The following NXPE2 variants were observed in gnomAD, a reference collection of about 807,000 sequenced individuals.
NXPE2 encodes the protein NXPE family member 2.
Under a neutral mutation model 34.4 loss-of-function variants are expected in NXPE2, and 34 were observed. That is an observed-to-expected ratio of 0.99 (90% CI 0.75 to 1.31). NXPE2 has a LOEUF of 1.31. Among genes scored for constraint, NXPE2 ranks in the 40% most tolerant of loss-of-function variants. The probability of loss-of-function intolerance (pLI) is 0.00; values close to 1 mark genes in which losing one functional copy is unlikely to be tolerated. For synonymous variants in NXPE2, 235 were observed against 231.3 expected, an observed-to-expected ratio of 1.02 and a Z score of -0.15; for missense variants, 649 against 672.5, an observed-to-expected ratio of 0.97 and a Z score of 0.39.
At chr11:114,551,078 T>G in the NXPE2 span, 1 of 1,274,400 alleles carries the variant, frequency 7.8e-7, no homozygotes. Context: ...CTGTGTGATC[T>G]GCATCAAAGG....
At chr11:114,662,203 G>C in the NXPE2 span, among the ~76,000 whole-genome samples, 1 of 150,022 alleles carries the variant, frequency 6.7e-6, no homozygotes, top group Non-Finnish European at 1.5e-5. Context: ...TGGTGACATA[G>C]TGTGGAGAGT....
chr11:114,735,405 C>G, the NXPE2 span, among the ~76,000 whole-genome samples: 1 of 151,938 alleles, frequency 6.6e-6, no homozygotes, highest in Non-Finnish European at 1.5e-5. Flanking sequence ...CTCAAATAAA[C>G]CAGGTTTAGA....
chr11:114,550,885 A>G, the NXPE2 span, among the ~76,000 whole-genome samples: 1 of 152,178 alleles, frequency 6.6e-6, no homozygotes, highest in African/African-American at 2.4e-5. Flanking sequence ...TGCAAGGTCA[A>G]ATCCTAATTG....
chr11:114,744,347 C>A, the NXPE2 span, among the ~76,000 whole-genome samples: 3 of 152,160 alleles, frequency 2.0e-5, no homozygotes, highest in Non-Finnish European at 4.4e-5. Flanking sequence ...CCTCTGACAC[C>A]TTTGAACTTG....
At chr11:114,805,365 T>C in the NXPE2 span, among the ~76,000 whole-genome samples, 1 of 152,070 alleles carries the variant, frequency 6.6e-6, no homozygotes, top group Admixed American at 6.5e-5. Flanking sequence ...CAGCGCACCA[T>C]GCACGAGCCG....
At chr11:114,803,657 A>T in the NXPE2 span, among the ~76,000 whole-genome samples, 1 of 151,010 alleles carries the variant, frequency 6.6e-6, no homozygotes, top group Non-Finnish European at 1.5e-5. Flanking sequence ...GTTCACTGCA[A>T]CCTCCACCTC....
the NXPE2 span, among the ~76,000 whole-genome samples, chr11:114,475,242 T>A: frequency 1.5e-5 from 1 of 65,470 alleles, no homozygotes; most frequent in Non-Finnish European, 2.7e-5. Flanking sequence ...TTTTTTTTTT[T>A]TTTTTTTTTT....
chr11:114,495,783 C>G, the NXPE2 span, among the ~76,000 whole-genome samples: 3 of 152,088 alleles, frequency 2.0e-5, no homozygotes, highest in Non-Finnish European at 4.4e-5. Context: ...CCCTTATTCC[C>G]CAGGGTGTGT....
chr11:114,703,336 A>G (rs1253757776), intron 3 of NXPE2, among the ~76,000 whole-genome samples: 1 of 152,192 alleles, frequency 6.6e-6, no homozygotes, highest in Non-Finnish European at 1.5e-5. Flanking sequence ...GGGCAGAAAG[A>G]TAGTATTATA....
intron 2 of NXPE2, among the ~76,000 whole-genome samples, chr11:114,685,158 T>G (rs1951023011): frequency 6.6e-6 from 1 of 152,138 alleles, no homozygotes; most frequent in African/African-American, 2.4e-5. Flanking sequence ...ATATAAATCT[T>G]CAAAATATAT....
the NXPE2 span, among the ~76,000 whole-genome samples, chr11:114,633,366 A>G: frequency 7.1e-6 from 1 of 140,378 alleles, no homozygotes; most frequent in Admixed American, 7.3e-5. Context: ...TATATACTAT[A>G]TAATATATTA....
At chr11:114,681,897 G>A (rs1477217775) in intron 2 of NXPE2, among the ~76,000 whole-genome samples, 7 of 152,002 alleles carry the variant, frequency 4.6e-5, no homozygotes, top group Admixed American at 3.9e-4. Flanking sequence ...GATTAATAAG[G>A]TCAGAAAAAG....
At chr11:114,800,524 G>A in the NXPE2 span, among the ~76,000 whole-genome samples, 1 of 152,182 alleles carries the variant, frequency 6.6e-6, no homozygotes, top group Non-Finnish European at 1.5e-5. Flanking sequence ...GTTGTTAGCA[G>A]TGAAGTTTCT....
the NXPE2 span, chr11:114,530,172 C>T: frequency 3.8e-6 from 6 of 1,595,002 alleles, no homozygotes; most frequent in African/African-American, 5.4e-5. Context: ...AAAGTATACT[C>T]ACCTGTGGAA....
chr11:114,626,584 G>GA, the NXPE2 span, among the ~76,000 whole-genome samples: 1 of 152,172 alleles, frequency 6.6e-6, no homozygotes, highest in Non-Finnish European at 1.5e-5. Context: ...AAACAGAGCA[G>GA]AAAAACGGGA....
At chr11:114,464,627 A>C in the NXPE2 span, among the ~76,000 whole-genome samples, 1 of 152,190 alleles carries the variant, frequency 6.6e-6, no homozygotes, top group Non-Finnish European at 1.5e-5. Flanking sequence ...GCATAGAAAA[A>C]TATGAGATAC....
chr11:114,598,387 C>G, the NXPE2 span, among the ~76,000 whole-genome samples: 2 of 141,484 alleles, frequency 1.4e-5, no homozygotes, highest in African/African-American at 5.3e-5. Flanking sequence ...TTTCTCACAG[C>G]TCCACTAGGC....
At chr11:114,736,892 C>T in the NXPE2 span, among the ~76,000 whole-genome samples, 4 of 152,174 alleles carry the variant, frequency 2.6e-5, no homozygotes, top group Non-Finnish European at 5.9e-5. Context: ...CATTTGGGGT[C>T]CCTGACTTCC....
the NXPE2 span, among the ~76,000 whole-genome samples, chr11:114,753,760 A>G: frequency 2.0e-5 from 3 of 152,234 alleles, no homozygotes; most frequent in African/African-American, 7.2e-5. Flanking sequence ...ATGGTGCCAA[A>G]TTCTTTCAGC....
Sources: allele counts gnomAD v4.1 joint callset (sites outside exome capture counted in the v4.1 genomes callset), GRCh38; gene constraint gnomAD v4.1.1; transcripts MANE v1.5; gene names NCBI Gene and HGNC (gene_info 2026-07-23, HGNC 2026-07-21).